Variants in GALNT17 observed in about 807,000 individuals in gnomAD.
The protein encoded by GALNT17 is UDP-GalNAc:polypeptide N-acetylgalactosaminyltransferase-like 3.
Under a neutral mutation model 63.7 loss-of-function variants are expected in GALNT17, and 29 were observed. The observed-to-expected ratio is 0.46, with a 90% CI of 0.34 to 0.62. The LOEUF is 0.62. Ranked by LOEUF, GALNT17 falls within the 20% of genes least tolerant of loss-of-function variation. The pLI is 0.01. For synonymous variants in GALNT17, 305 were observed against 318.3 expected, an observed-to-expected ratio of 0.96 and a Z score of 0.45; for missense variants, 603 against 799.6, an observed-to-expected ratio of 0.75 and a Z score of 2.97.
chr7:71,574,609 G>C lies in GALNT17; in HGVS notation c.1080+3207G>C, dbSNP rs190010859. 6.5e-4 allele frequency among the ~76,000 whole-genome samples: 99 copies of C among 151,996 alleles called. No individual in the cohort carries two copies. The East Asian group carries it at 0.017, about 27-fold the overall frequency. On this transcript the variant is annotated intron_variant, in intron 6 of 10. Coordinates refer to ENST00000333538, the MANE Select transcript of GALNT17 (RefSeq NM_022479.3). ...GTGCTGCTGGTTGCAGAAAGGCAAA[G>C]GTCTGGGTTTGGAGTCTACACAGAA...
intron 6 of GALNT17, among the ~76,000 whole-genome samples, chr7:71,632,315 T>C (rs1329860083): frequency 6.6e-6 from 1 of 152,202 alleles, no homozygotes; most frequent in Non-Finnish European, 1.5e-5. Flanking sequence ...GGGATCTGCC[T>C]GCCCTATTTC....
At chr7:71,516,841 C>T (rs1681544203) in intron 5 of GALNT17, among the ~76,000 whole-genome samples, 1 of 152,154 alleles carries the variant, frequency 6.6e-6, no homozygotes, top group Non-Finnish European at 1.5e-5. Context: ...CTACTTTTAT[C>T]CTTCGTGGCT....
intron 2 of GALNT17, among the ~76,000 whole-genome samples, chr7:71,359,168 C>T (rs1447955101): frequency 1.3e-5 from 2 of 152,174 alleles, no homozygotes; most frequent in Non-Finnish European, 2.9e-5. Flanking sequence ...TCAAGGAATA[C>T]CTCAGGTTGG....
intron 1 of GALNT17, among the ~76,000 whole-genome samples, chr7:71,176,158 T>G (rs1788634951): frequency 6.6e-6 from 1 of 151,130 alleles, no homozygotes; most frequent in Non-Finnish European, 1.5e-5. Flanking sequence ...TGAGGGCGAG[T>G]GGGGAGGAGG....
At chr7:71,597,676 G>A (rs1435899126) in intron 6 of GALNT17, among the ~76,000 whole-genome samples, 1 of 152,134 alleles carries the variant, frequency 6.6e-6, no homozygotes, top group African/African-American at 2.4e-5. Flanking sequence ...GATGAGCCAT[G>A]GTGATTTGTG....
chr7:71,223,370 AG>A (rs1198112542), intron 1 of GALNT17, among the ~76,000 whole-genome samples: 2 of 152,094 alleles, frequency 1.3e-5, no homozygotes, highest in Non-Finnish European at 2.9e-5. Flanking sequence ...TATTTATATC[AG>A]TATGGACTTA....
intron 5 of GALNT17, among the ~76,000 whole-genome samples, chr7:71,497,927 G>A (rs1788122155): frequency 1.3e-5 from 2 of 152,180 alleles, no homozygotes; most frequent in Admixed American, 6.5e-5. Flanking sequence ...CATGAAAAGG[G>A]CAGTTTGCAA....
intron 3 of GALNT17, among the ~76,000 whole-genome samples, chr7:71,390,703 C>T (rs1384242117): frequency 2.6e-5 from 4 of 152,158 alleles, no homozygotes; most frequent in African/African-American, 4.8e-5. Flanking sequence ...TCTCTTCTCT[C>T]GAACTCCCTG....
At chr7:71,596,034 T>TTTG (rs771984205) in intron 6 of GALNT17, among the ~76,000 whole-genome samples, 1 of 152,136 alleles carries the variant, frequency 6.6e-6, no homozygotes, top group African/African-American at 2.4e-5. Context: ...TGATTTGTTT[T>TTTG]TTGTTGTTGT....
chr7:71,470,338 T>C (rs1787607235), intron 5 of GALNT17, among the ~76,000 whole-genome samples: 1 of 152,136 alleles, frequency 6.6e-6, no homozygotes, highest in South Asian at 2.1e-4. Context: ...GGAGGATGTT[T>C]GGTTGGTGGG....
chr7:71,245,003 A>G (rs1790067978), intron 1 of GALNT17, among the ~76,000 whole-genome samples: 1 of 152,130 alleles, frequency 6.6e-6, no homozygotes, highest in South Asian at 2.1e-4. Context: ...AAGGACCCCT[A>G]GGAAGAAATG....
chr7:71,379,322 C>T lies in GALNT17; in HGVS notation c.423-8913C>T, dbSNP rs180680471. ...GATGAGGTTGGAGAGATGGATCGGG[C>T]TCAACTTGGGTGCCAAGCAGAGGAA... On this transcript the variant is annotated intron_variant, in intron 2 of 10. Coordinates refer to ENST00000333538, the MANE Select transcript of GALNT17 (RefSeq NM_022479.3). Among the ~76,000 whole-genome samples the T allele has an allele frequency of 9.5e-3, 1,445 of 152,134 alleles. 17 individuals carry two copies. The highest frequency in any genetic ancestry group is 0.012 in the Non-Finnish European group (794 of 68,012).
intron 5 of GALNT17, among the ~76,000 whole-genome samples, chr7:71,438,577 G>A (rs1443481617): frequency 1.3e-5 from 2 of 152,060 alleles, no homozygotes; most frequent in African/African-American, 4.8e-5. Context: ...ATCTGTAAAG[G>A]GGATAATAAT....
chr7:71,622,201 A>G (rs550031828), intron 6 of GALNT17, among the ~76,000 whole-genome samples: 1 of 152,312 alleles, frequency 6.6e-6, no homozygotes, highest in East Asian at 1.9e-4. Flanking sequence ...AATGGGCAAC[A>G]TGGCGGCTCT....
chr7:71,223,152 A>G (rs1190269979), intron 1 of GALNT17, among the ~76,000 whole-genome samples: 2 of 152,130 alleles, frequency 1.3e-5, no homozygotes, highest in African/African-American at 4.8e-5. Context: ...CTTCTTATGT[A>G]ATTAATATAT....
chr7:71,669,417 A>G (rs1427398678), intron 7 of GALNT17, among the ~76,000 whole-genome samples: 1 of 151,938 alleles, frequency 6.6e-6, no homozygotes, highest in Non-Finnish European at 1.5e-5. Context: ...AGGCTGAGGC[A>G]GGAGAATCGC....
At chr7:71,525,507 A>G (rs1456205845) in intron 5 of GALNT17, among the ~76,000 whole-genome samples, 1 of 151,414 alleles carries the variant, frequency 6.6e-6, no homozygotes, top group Admixed American at 6.6e-5. Context: ...CACCCGGCCA[A>G]CTGTTCTTGT....
intron 1 of GALNT17, among the ~76,000 whole-genome samples, chr7:71,280,465 C>T (rs539347914): frequency 2.0e-5 from 3 of 152,156 alleles, no homozygotes; most frequent in South Asian, 4.2e-4. Flanking sequence ...TGAGGGTAGG[C>T]GTGAAAAAGA....
At chr7:71,305,231 A>G (rs1791268658) in intron 1 of GALNT17, among the ~76,000 whole-genome samples, 1 of 151,840 alleles carries the variant, frequency 6.6e-6, no homozygotes, top group Admixed American at 6.6e-5. Flanking sequence ...AGCACATGTT[A>G]ATTTTGCTAG....
Sources: allele counts gnomAD v4.1 joint callset (sites outside exome capture counted in the v4.1 genomes callset), GRCh38; gene constraint gnomAD v4.1.1; transcripts MANE v1.5; gene names NCBI Gene and HGNC (gene_info 2026-07-23, HGNC 2026-07-21).